The following LRP1B variants were observed in gnomAD, a reference collection of about 807,000 sequenced individuals.
The protein encoded by LRP1B is low-density lipoprotein receptor-related protein 1B.
A neutral mutation model predicts 556.6 loss-of-function variants in LRP1B; 217 were observed. That is an observed-to-expected ratio of 0.39 (90% confidence interval 0.35 to 0.44). The LOEUF (loss-of-function observed/expected upper bound fraction) is 0.44. Ranked by LOEUF, LRP1B falls within the 20% of genes least tolerant of loss-of-function variation. The pLI is 1.00. For missense variants in LRP1B, 5,053 were observed against 5,620.8 expected, an observed-to-expected ratio of 0.90 and a Z score of 3.23; for synonymous variants, 2,047 against 1,865.8, an observed-to-expected ratio of 1.10 and a Z score of -2.50.
In LRP1B at chr2:140,516,881, T is replaced by C. The variant is rs773818885; in HGVS notation, c.8149+8A>G. 4.3e-6 allele frequency: 7 copies of C among 1,612,956 alleles called. No individual in the cohort carries two copies. Among genetic ancestry groups the C allele is most frequent in the South Asian group, 1.1e-5 (1 of 91,046 alleles). ...TTAACAAAAACTAAGCTAAATACAA[T>C]GTCTCACCACAGTGGAATTCATCAC... is the stretch of plus-strand genomic sequence containing the variant. On this transcript the variant is annotated splice_region_variant and intron_variant, in intron 50 of 90. Coordinates refer to ENST00000389484, the MANE Select transcript of LRP1B (RefSeq NM_018557.3).
intron 28 of LRP1B, among the ~76,000 whole-genome samples, chr2:140,850,751 C>T (rs939487045): frequency 4.6e-5 from 7 of 152,100 alleles, no homozygotes; most frequent in South Asian, 2.1e-4. Flanking sequence ...AAATTAAACA[C>T]GCTATTAGAA....
intron 41 of LRP1B, among the ~76,000 whole-genome samples, chr2:140,645,503 A>G (rs1030346358): frequency 1.5e-5 from 2 of 134,034 alleles, no homozygotes; most frequent in Admixed American, 1.5e-4. Flanking sequence ...TATATTCCTC[A>G]TATCTCTATA....
chr2:140,988,441 C>T (rs1186320096), intron 17 of LRP1B, among the ~76,000 whole-genome samples: 1 of 152,080 alleles, frequency 6.6e-6, no homozygotes, highest in Non-Finnish European at 1.5e-5. Flanking sequence ...TGGAAAAAAT[C>T]TGAATAGAAG....
At chr2:142,096,460 C>G (rs1307571829) in intron 1 of LRP1B, among the ~76,000 whole-genome samples, 2 of 147,862 alleles carry the variant, frequency 1.4e-5, no homozygotes, top group Non-Finnish European at 3.0e-5. Context: ...TTTACAAATT[C>G]TATTCTTCCA....
chr2:140,486,300 C>T (rs1464959880), intron 58 of LRP1B, among the ~76,000 whole-genome samples: 1 of 151,714 alleles, frequency 6.6e-6, no homozygotes, highest in Non-Finnish European at 1.5e-5. Flanking sequence ...TCCCTAATGC[C>T]ATCAATAATA....
In LRP1B at chr2:141,049,049, T is replaced by C. The variant is rs1342767585; in HGVS notation, c.1726A>G (p.Thr576Ala). Residue 576 changes from threonine to alanine, a missense_variant, in exon 11 of 91, where the codon ACC becomes GCC. Coordinates refer to ENST00000389484, the MANE Select transcript of LRP1B (RefSeq NM_018557.3). ...ETNYIYFADT[T>A]SFLIGRQKID... ...TTCTGCCGGCCAATTAGGAAACTGG[T>C]GGTGTCAGCAAAGTAGATGTAATTG... The C allele has an allele frequency of 6.2e-7, 1 of 1,613,612 alleles. No individual in the cohort carries two copies. The highest frequency in any genetic ancestry group is 1.7e-5 in the Admixed American group (1 of 59,946).
At chr2:140,452,005 A>G (rs1049503232) in intron 62 of LRP1B, among the ~76,000 whole-genome samples, 1 of 152,174 alleles carries the variant, frequency 6.6e-6, no homozygotes, top group Non-Finnish European at 1.5e-5. Context: ...TTAACTATCA[A>G]GTGGCAGATT....
intron 60 of LRP1B, among the ~76,000 whole-genome samples, chr2:140,467,078 T>C (rs938468979): frequency 6.6e-6 from 1 of 152,066 alleles, no homozygotes; most frequent in Non-Finnish European, 1.5e-5. Context: ...AAAATTTTTC[T>C]CAGGAGATAT....
intron 15 of LRP1B, among the ~76,000 whole-genome samples, chr2:141,003,594 T>A (rs1181370130): frequency 1.3e-5 from 2 of 151,986 alleles, no homozygotes; most frequent in Non-Finnish European, 2.9e-5. Context: ...CAAGCTCTCT[T>A]CTCTTGCCTG....
At chr2:141,089,566 T>G (rs1700126326) in intron 7 of LRP1B, among the ~76,000 whole-genome samples, 1 of 152,234 alleles carries the variant, frequency 6.6e-6, no homozygotes, top group South Asian at 2.1e-4. Flanking sequence ...GTAAGTATTA[T>G]ATTAGTTTTA....
At chr2:141,331,222 T>C (rs1054693332) in intron 3 of LRP1B, among the ~76,000 whole-genome samples, 1 of 152,208 alleles carries the variant, frequency 6.6e-6, no homozygotes, top group South Asian at 2.1e-4. Flanking sequence ...AAGTAGTTTC[T>C]AAGCAGCAGT....
At chr2:142,083,981 G>C (rs568189859) in intron 1 of LRP1B, among the ~76,000 whole-genome samples, 235 of 148,818 alleles carry the variant, frequency 1.6e-3, no homozygotes, top group African/African-American at 5.4e-3. Context: ...TTTTCTCTAT[G>C]CCTTTTTTTT....
At chr2:140,893,454 C>G (rs1367740310) in intron 23 of LRP1B, among the ~76,000 whole-genome samples, 1 of 152,178 alleles carries the variant, frequency 6.6e-6, no homozygotes, top group Non-Finnish European at 1.5e-5. Context: ...TATGTAAATG[C>G]TCCTGCTTTG....
In LRP1B at chr2:141,369,740, C is replaced by A. The variant is rs561616743; in HGVS notation, c.343+110656G>T. Reference sequence around the variant, plus strand: ...ATATTGCATTGTGGTGAACTCAGGGCATTCAATGTATTCATCACTGAAGCA... The same window carrying A: ...ATATTGCATTGTGGTGAACTCAGGGAATTCAATGTATTCATCACTGAAGCA... On this transcript the variant is annotated intron_variant, in intron 3 of 90. Transcript: ENST00000389484. 3.1e-3 allele frequency among the ~76,000 whole-genome samples: 479 copies of A among 152,210 alleles called. 1 individual carries two copies. Among genetic ancestry groups the A allele is most frequent in the Non-Finnish European group, 5.5e-3 (376 of 68,010 alleles).
intron 3 of LRP1B, among the ~76,000 whole-genome samples, chr2:141,305,398 T>C (rs953043847): frequency 6.6e-6 from 1 of 152,192 alleles, no homozygotes; most frequent in Non-Finnish European, 1.5e-5. Context: ...TCTAGTTCAT[T>C]ATTGGAATAC....
intron 37 of LRP1B, among the ~76,000 whole-genome samples, chr2:140,710,461 G>A (rs538226255): frequency 1.3e-4 from 19 of 151,596 alleles, no homozygotes; most frequent in Admixed American, 5.3e-4. Context: ...TAAATAAAGG[G>A]GTGAAGATAT....
At chr2:140,640,669 C>CATT in intron 41 of LRP1B, among the ~76,000 whole-genome samples, 1 of 152,052 alleles carries the variant, frequency 6.6e-6, no homozygotes, top group Non-Finnish European at 1.5e-5. Flanking sequence ...AGGCGTGAGC[C>CATT]ACCGCACCTG....
At chr2:140,982,518 C>T (rs1215577998) in intron 17 of LRP1B, among the ~76,000 whole-genome samples, 1 of 152,062 alleles carries the variant, frequency 6.6e-6, no homozygotes, top group African/African-American at 2.4e-5. Context: ...AGTCAGTAAC[C>T]CTCACACAAT....
intron 2 of LRP1B, among the ~76,000 whole-genome samples, chr2:141,610,892 G>T (rs776593862): frequency 6.6e-6 from 1 of 152,170 alleles, no homozygotes; most frequent in Non-Finnish European, 1.5e-5. Context: ...TTCTTTTAAA[G>T]ATATATTGTA....
Sources: gnomAD v4.1 joint callset for allele counts (sites outside exome capture counted in the v4.1 genomes callset) on GRCh38, gnomAD v4.1.1 for gene constraint, MANE v1.5 for transcripts, NCBI Gene and HGNC (gene_info 2026-07-23, HGNC 2026-07-21) for gene names.